NRG1: variants seen among roughly 807,000 people sequenced by gnomAD.
NRG1 encodes neuregulin 1.
In NRG1, 18 loss-of-function variants were observed where a neutral mutation model predicts 63.8. The ratio of observed to expected loss-of-function variants is 0.28; its 90% CI spans 0.19 to 0.42. NRG1 has a LOEUF of 0.42. NRG1 is among the 10% of genes least tolerant of loss of function. The pLI is 1.00. For synonymous variants in NRG1, 302 were observed against 301.3 expected (o/e 1.00, Z -0.02); for missense variants, 762 against 814.7 (o/e 0.94, Z 0.79).
intron 1 of NRG1, among the ~76,000 whole-genome samples, chr8:31,975,386 G>C (rs900476995): frequency 3.9e-5 from 6 of 152,184 alleles, no homozygotes; most frequent in African/African-American, 1.4e-4. Context: ...ACTGGGGAAG[G>C]GGTTATGTTC....
chr8:32,165,561 G>T (rs1295733159), intron 1 of NRG1, among the ~76,000 whole-genome samples: 1 of 152,186 alleles, frequency 6.6e-6, no homozygotes, highest in East Asian at 1.9e-4. Context: ...AGTAGATGCT[G>T]AATAGAGAAA....
chr8:31,906,626 A>G (rs1263489519), intron 1 of NRG1, among the ~76,000 whole-genome samples: 1 of 152,148 alleles, frequency 6.6e-6, no homozygotes, highest in African/African-American at 2.4e-5. Flanking sequence ...AGAAAGAATT[A>G]TCTTCCCCTT....
At chr8:32,144,257 G>A (rs1399602918) in intron 1 of NRG1, among the ~76,000 whole-genome samples, 1 of 152,184 alleles carries the variant, frequency 6.6e-6, no homozygotes, top group Admixed American at 6.5e-5. Flanking sequence ...AAACAAAAAA[G>A]AAGAAGAAAG....
chr8:31,961,940 T>G (rs1458539911), intron 1 of NRG1, among the ~76,000 whole-genome samples: 1 of 152,104 alleles, frequency 6.6e-6, no homozygotes, highest in Admixed American at 6.6e-5. Context: ...TGGGTTTGGA[T>G]TTTCATATAT....
At chr8:32,487,451 G>A (rs1293624018) in intron 1 of NRG1, among the ~76,000 whole-genome samples, 2 of 152,046 alleles carry the variant, frequency 1.3e-5, no homozygotes, top group African/African-American at 4.8e-5. Flanking sequence ...TTGTAAGGCA[G>A]GGCTTGGTGA....
At chr8:32,395,960 T>C (rs545590224) in intron 1 of NRG1, among the ~76,000 whole-genome samples, 4 of 152,326 alleles carry the variant, frequency 2.6e-5, no homozygotes, top group Middle Eastern at 6.8e-3. Context: ...CCAAGCATCC[T>C]AAGCATCTTT....
At chr8:31,774,014 TAA>T (rs59980607) in intron 1 of NRG1, among the ~76,000 whole-genome samples, 1 of 145,128 alleles carries the variant, frequency 6.9e-6, no homozygotes. Flanking sequence ...GTGTTAAAAT[TAA>T]AAAAAAAAAG....
chr8:31,963,936 C>T (rs1356420791), intron 1 of NRG1, among the ~76,000 whole-genome samples: 1 of 152,070 alleles, frequency 6.6e-6, no homozygotes, highest in African/African-American at 2.4e-5. Context: ...CAAGTTTGAT[C>T]CTGTTGGTAA....
At chr8:32,391,509 A>T (rs1271056783) in intron 1 of NRG1, among the ~76,000 whole-genome samples, 1 of 151,542 alleles carries the variant, frequency 6.6e-6, no homozygotes, top group Admixed American at 6.6e-5. Flanking sequence ...TCCTCTCTCC[A>T]CCCTGACCCT....
chr8:32,212,707 T>G (rs963372387), intron 1 of NRG1, among the ~76,000 whole-genome samples: 9 of 152,220 alleles, frequency 5.9e-5, no homozygotes, highest in Non-Finnish European at 1.3e-4. Flanking sequence ...TCTGTTAAAG[T>G]TGGGAAGTAT....
chr8:32,660,387 T>G (rs1231885741), intron 5 of NRG1, among the ~76,000 whole-genome samples: 1 of 152,066 alleles, frequency 6.6e-6, no homozygotes, highest in African/African-American at 2.4e-5. Context: ...CTTATGGGAG[T>G]GGAAGAGGAA....
At chr8:32,616,739 C>G in intron 4 of NRG1, 96 bp from the exon 5 acceptor site, 1 of 886,540 alleles carries the variant, frequency 1.1e-6, no homozygotes, top group Non-Finnish European at 1.9e-6. Context: ...TTCTACTACT[C>G]TTTTACTAGG....
At chr8:32,363,650 C>T (rs984600256) in intron 1 of NRG1, among the ~76,000 whole-genome samples, 2 of 152,120 alleles carry the variant, frequency 1.3e-5, no homozygotes, top group Non-Finnish European at 2.9e-5. Context: ...CTATCACTCT[C>T]TTTATCTCTC....
At chr8:32,675,103 G>A (rs1048758564) in intron 5 of NRG1, among the ~76,000 whole-genome samples, 5 of 152,124 alleles carry the variant, frequency 3.3e-5, no homozygotes, top group Admixed American at 2.0e-4. Flanking sequence ...ATTGGACACT[G>A]TACAAATTCA....
intron 1 of NRG1, among the ~76,000 whole-genome samples, chr8:31,644,244 G>C (rs914317488): frequency 2.0e-5 from 3 of 152,150 alleles, no homozygotes; most frequent in Non-Finnish European, 1.5e-5. Context: ...CCAAGTGTTT[G>C]TGACTGCTCT....
chr8:32,178,264 C>T (rs780647230), intron 1 of NRG1, among the ~76,000 whole-genome samples: 3 of 152,046 alleles, frequency 2.0e-5, no homozygotes, highest in Non-Finnish European at 4.4e-5. Flanking sequence ...TTAAGGAATT[C>T]CCATTTCATT....
chr8:32,531,626 T>A (rs1831459707), intron 1 of NRG1, among the ~76,000 whole-genome samples: 1 of 152,210 alleles, frequency 6.6e-6, no homozygotes, highest in Non-Finnish European at 1.5e-5. Context: ...CTCAAATACC[T>A]AAAAACTTTT....
At chr8:32,129,104 A>C (rs1368162342) in intron 1 of NRG1, among the ~76,000 whole-genome samples, 1 of 152,056 alleles carries the variant, frequency 6.6e-6, no homozygotes, top group Non-Finnish European at 1.5e-5. Flanking sequence ...CCTCCATAAG[A>C]GCACAGTCAT....
intron 1 of NRG1, among the ~76,000 whole-genome samples, chr8:32,322,106 G>A (rs537796802): frequency 1.3e-3 from 197 of 151,766 alleles, no homozygotes; most frequent in African/African-American, 3.7e-3. Flanking sequence ...TGAGCCTGGC[G>A]GTTCCAGTCT....
Sources: gnomAD v4.1 joint callset for allele counts (sites outside exome capture counted in the v4.1 genomes callset) on GRCh38, gnomAD v4.1.1 for gene constraint, MANE v1.5 for transcripts, NCBI Gene and HGNC (gene_info 2026-07-23, HGNC 2026-07-21) for gene names.